Variants in PPP2R2B observed in about 807,000 individuals in gnomAD.
PPP2R2B encodes the protein protein phosphatase 2 regulatory subunit Bbeta, also known as serine/threonine-protein phosphatase 2A 55 kDa regulatory subunit B beta isoform.
Under a neutral mutation model 46.0 loss-of-function variants are expected in PPP2R2B, and 5 were observed. That is an observed-to-expected ratio of 0.11 (90% CI 0.06 to 0.23). The LOEUF is 0.23. Among genes scored for constraint, PPP2R2B ranks in the 10% least tolerant of loss-of-function variants. The pLI is 1.00. For missense variants in PPP2R2B, 367 were observed against 575.0 expected (o/e 0.64, Z 3.70); for synonymous variants, 215 against 206.7 (o/e 1.04, Z -0.34).
chr5:146,940,927 A>G (rs1764303453), intron 1 of PPP2R2B, among the ~76,000 whole-genome samples: 1 of 152,186 alleles, frequency 6.6e-6, no homozygotes, highest in Admixed American at 6.5e-5. Flanking sequence ...TCCTGGAAGT[A>G]TTCCTTGTTG....
At chr5:146,601,921 A>T (rs1328866307) in intron 7 of PPP2R2B, among the ~76,000 whole-genome samples, 1 of 152,170 alleles carries the variant, frequency 6.6e-6, no homozygotes, top group Non-Finnish European at 1.5e-5. Context: ...TACAGGAAAA[A>T]GGCATGGCTT....
chr5:146,683,062 T>C (rs143868868), intron 5 of PPP2R2B, among the ~76,000 whole-genome samples: 25 of 152,204 alleles, frequency 1.6e-4, no homozygotes, highest in East Asian at 1.2e-3. Flanking sequence ...TACGGGTGGG[T>C]GTCTTGGCCA....
chr5:146,896,020 G>C (rs1287696369), intron 1 of PPP2R2B, among the ~76,000 whole-genome samples: 1 of 152,012 alleles, frequency 6.6e-6, no homozygotes, highest in Non-Finnish European at 1.5e-5. Flanking sequence ...AAATAATATT[G>C]TCTGAGTGGT....
At chr5:146,894,945 T>C (rs1212772314) in intron 1 of PPP2R2B, among the ~76,000 whole-genome samples, 1 of 152,174 alleles carries the variant, frequency 6.6e-6, no homozygotes, top group Non-Finnish European at 1.5e-5. Flanking sequence ...CTGTACCTAA[T>C]ATGGTGCCGG....
At chr5:146,604,199 A>G (rs1161097631) in intron 7 of PPP2R2B, among the ~76,000 whole-genome samples, 1 of 152,182 alleles carries the variant, frequency 6.6e-6, no homozygotes, top group Non-Finnish European at 1.5e-5. Context: ...GTGTTATCAG[A>G]CGGAAATCAT....
chr5:146,950,367 G>A (rs1320140002), intron 1 of PPP2R2B, among the ~76,000 whole-genome samples: 2 of 151,970 alleles, frequency 1.3e-5, no homozygotes, highest in African/African-American at 4.8e-5. Context: ...GAATAGCTTT[G>A]CTGATATCAC....
At chr5:147,059,902 G>A (rs886409431), upstream of PPP2R2B, among the ~76,000 whole-genome samples, 1 of 152,118 alleles carries the variant, frequency 6.6e-6, no homozygotes, top group Non-Finnish European at 1.5e-5. Context: ...CAGTCCTGTT[G>A]CCTACCTCAC....
At chr5:146,897,779 T>C (rs1162369926) in intron 1 of PPP2R2B, among the ~76,000 whole-genome samples, 1 of 151,268 alleles carries the variant, frequency 6.6e-6, no homozygotes, top group Admixed American at 6.6e-5. Context: ...AACCGGATGC[T>C]ATACAAAGAA....
chr5:146,975,017 CT>C (rs1185839738), intron 1 of PPP2R2B, among the ~76,000 whole-genome samples: 1 of 152,106 alleles, frequency 6.6e-6, no homozygotes, highest in Non-Finnish European at 1.5e-5. Flanking sequence ...AGTTTAAAAA[CT>C]TTTGCAATTG....
intron 2 of PPP2R2B, among the ~76,000 whole-genome samples, chr5:146,721,647 C>T (rs1050818512): frequency 6.6e-6 from 1 of 152,224 alleles, no homozygotes; most frequent in Admixed American, 6.5e-5. Context: ...CCGCCCTGTG[C>T]GCTTCTTTGG....
chr5:146,875,266 C>A (rs1483957795), intron 2 of PPP2R2B, among the ~76,000 whole-genome samples: 2 of 151,830 alleles, frequency 1.3e-5, no homozygotes. Flanking sequence ...AGAAGATGCT[C>A]AAAGATGTTA....
chr5:146,925,616 G>A (rs1763757478), intron 1 of PPP2R2B, among the ~76,000 whole-genome samples: 1 of 151,818 alleles, frequency 6.6e-6, no homozygotes, highest in South Asian at 2.1e-4. Context: ...GTTCAAGTGT[G>A]GATCTATTTG....
At chr5:147,043,900 C>A (rs1252963389) in intron 1 of PPP2R2B, among the ~76,000 whole-genome samples, 1 of 152,080 alleles carries the variant, frequency 6.6e-6, no homozygotes, top group Non-Finnish European at 1.5e-5. Context: ...GGTGTGGAGC[C>A]AGCCTACCTG....
rs146318955 is a variant in PPP2R2B at position 146,830,980 on chromosome 5, C to T, written c.70+47022G>A. Among the ~76,000 whole-genome samples the T allele has an allele frequency of 4.1e-4, 62 of 152,162 alleles. 1 individual carries two copies. The East Asian group carries it at 0.012, about 29-fold the overall frequency. On this transcript the variant is annotated intron_variant, in intron 2 of 9. Coordinates refer to ENST00000394411, the MANE Select transcript of PPP2R2B (RefSeq NM_181675.4). ...TAGTGATGTTGCAGCCATCATAATG[C>T]CAGAGTGCAATGCATTACTCAGGTG... is the stretch of plus-strand genomic sequence containing the variant.
At chr5:146,743,558 T>C (rs1753003863) in intron 2 of PPP2R2B, among the ~76,000 whole-genome samples, 3 of 152,250 alleles carry the variant, frequency 2.0e-5, no homozygotes, top group Admixed American at 1.3e-4. Flanking sequence ...CTAAATGTTA[T>C]GACCTTCTCC....
At chr5:146,856,079 CT>C (rs1760645904) in intron 2 of PPP2R2B, among the ~76,000 whole-genome samples, 1 of 152,078 alleles carries the variant, frequency 6.6e-6, no homozygotes, top group Admixed American at 6.6e-5. Flanking sequence ...ACCCCAAGCT[CT>C]TTTTCTTTGT....
chr5:146,883,097 G>A (rs1762218540), upstream of PPP2R2B, among the ~76,000 whole-genome samples: 1 of 152,164 alleles, frequency 6.6e-6, no homozygotes, highest in African/African-American at 2.4e-5. Flanking sequence ...AAGCCAGTCT[G>A]GAGATTCTTA....
At chr5:146,730,123 T>C (rs115080540) in intron 2 of PPP2R2B, among the ~76,000 whole-genome samples, 2,334 of 152,290 alleles carry the variant, frequency 0.015, 34 homozygotes, top group Non-Finnish European at 0.025. Flanking sequence ...TACATCAGTG[T>C]GACCTGGATA....
intron 7 of PPP2R2B, among the ~76,000 whole-genome samples, chr5:146,624,335 A>G (rs1029915421): frequency 2.0e-5 from 3 of 152,330 alleles, no homozygotes; most frequent in South Asian, 2.1e-4. Flanking sequence ...AACTCGCTCT[A>G]TGGCACCTTC....
Sources: gnomAD v4.1 joint callset for allele counts (sites outside exome capture counted in the v4.1 genomes callset) on GRCh38, gnomAD v4.1.1 for gene constraint, MANE v1.5 for transcripts, NCBI Gene and HGNC (gene_info 2026-07-23, HGNC 2026-07-21) for gene names.